LRPPRC: variants seen among roughly 807,000 people sequenced by gnomAD.
LRPPRC encodes leucine-rich PPR motif-containing protein, mitochondrial.
In LRPPRC, 120 loss-of-function variants were observed where a neutral mutation model predicts 180.3. The observed-to-expected ratio is 0.67, with a 90% CI of 0.57 to 0.77. LRPPRC has a LOEUF of 0.77. Ranked by LOEUF, LRPPRC falls within the 30% of genes least tolerant of loss-of-function variation. The probability of loss-of-function intolerance (pLI) is 0.00; values close to 1 mark genes in which losing one functional copy is unlikely to be tolerated. For missense variants in LRPPRC, 2,012 were observed against 1,657.2 expected, an observed-to-expected ratio of 1.21 and a Z score of -3.72; for synonymous variants, 723 against 600.0, an observed-to-expected ratio of 1.21 and a Z score of -3.00.
At chr2:43,949,718 T>C in intron 15 of LRPPRC, 59 bp from the exon 16 acceptor site, 2 of 1,123,492 alleles carry the variant, frequency 1.8e-6, no homozygotes, top group South Asian at 1.3e-5. Flanking sequence ...ACAAACACAA[T>C]CTGAAATTGA....
intron 23 of LRPPRC, among the ~76,000 whole-genome samples, chr2:43,941,837 TAAA>T (rs35278650): frequency 7.1e-4 from 66 of 92,812 alleles, no homozygotes; most frequent in African/African-American, 2.3e-3. Flanking sequence ...CAAAGTAGTC[TAAA>T]AAAAAAAAAA....
At chr2:43,955,950 T>G (rs1048225455) in intron 14 of LRPPRC, among the ~76,000 whole-genome samples, 9 of 152,088 alleles carry the variant, frequency 5.9e-5, no homozygotes, top group African/African-American at 2.2e-4. Flanking sequence ...GTGATCAAAC[T>G]TTGGTGGTGG....
At chr2:43,951,462 T>G (rs1044076516) in intron 14 of LRPPRC, among the ~76,000 whole-genome samples, 4 of 152,204 alleles carry the variant, frequency 2.6e-5, no homozygotes. Context: ...CATGGTTCCT[T>G]TGCTGTATCC....
intron 1 of LRPPRC, among the ~76,000 whole-genome samples, chr2:43,984,088 T>G (rs542847375): frequency 5.9e-4 from 90 of 152,142 alleles, no homozygotes; most frequent in Admixed American, 1.7e-3. Context: ...AAAATAATAT[T>G]TATCCCTTAC....
chr2:43,917,989 C>T (rs201146793), intron 29 of LRPPRC, 36 bp downstream of exon 29: 4 of 1,356,660 alleles, frequency 2.9e-6, no homozygotes, highest in East Asian at 2.3e-5. Flanking sequence ...AGAAGACCAC[C>T]CCCCCACACA....
intron 12 of LRPPRC, among the ~76,000 whole-genome samples, chr2:43,962,777 T>C (rs1218153260): frequency 3.3e-5 from 5 of 152,136 alleles, no homozygotes; most frequent in Non-Finnish European, 7.3e-5. Flanking sequence ...AGTGCATTTA[T>C]GAAAATTTAT....
At chr2:43,906,092 G>A (rs903097656) in intron 30 of LRPPRC, among the ~76,000 whole-genome samples, 7 of 151,734 alleles carry the variant, frequency 4.6e-5, no homozygotes, top group African/African-American at 1.5e-4. Context: ...TGCGTGCCCC[G>A]CATTGTTCTG....
chr2:43,923,611 A>G (rs1671774156), intron 27 of LRPPRC, among the ~76,000 whole-genome samples: 1 of 151,952 alleles, frequency 6.6e-6, no homozygotes, highest in African/African-American at 2.4e-5. Flanking sequence ...CAGTGTTAAG[A>G]CTTGGTGATG....
chr2:43,983,374 T>A (rs958742853), intron 1 of LRPPRC, among the ~76,000 whole-genome samples: 2 of 152,150 alleles, frequency 1.3e-5, no homozygotes, highest in Non-Finnish European at 2.9e-5. Context: ...TTTAGGTTTA[T>A]AGAAAAATCG....
intron 11 of LRPPRC, among the ~76,000 whole-genome samples, chr2:43,970,746 C>T (rs1374209238): frequency 1.3e-5 from 2 of 152,190 alleles, no homozygotes; most frequent in Admixed American, 1.3e-4. Flanking sequence ...TTTCATTCCA[C>T]AGGATTTTAC....
At chr2:43,947,191 G>C (rs1672716088) in intron 20 of LRPPRC, 66 bp downstream of exon 20, 1 of 704,378 alleles carries the variant, frequency 1.4e-6, no homozygotes, top group South Asian at 1.7e-5. Context: ...TATTATATTT[G>C]GTTTTTCTTA....
chr2:43,942,389 G>C (rs1489187061), intron 23 of LRPPRC, among the ~76,000 whole-genome samples: 1 of 152,008 alleles, frequency 6.6e-6, no homozygotes. Context: ...TCTATATAAA[G>C]TTGGCTATGA....
chr2:43,985,239 T>A (rs1674479665), intron 1 of LRPPRC, among the ~76,000 whole-genome samples: 1 of 152,168 alleles, frequency 6.6e-6, no homozygotes, highest in Non-Finnish European at 1.5e-5. Context: ...AGAAAAATTG[T>A]ACTGAAAGAA....
At position 43,941,319 on chromosome 2, in the gene LRPPRC, G is replaced by A. The variant is rs144146123; in HGVS notation, c.2504+2368C>T. On this transcript the variant is annotated intron_variant, in intron 23 of 37. Transcript: ENST00000260665. The stretch of plus-strand genomic sequence containing the variant: ...TGGAACTGCTTCAGAATTACAACAC[G>A]AAAGTGATATTCTCTTTAGAGCCTT... Among the ~76,000 whole-genome samples, 413 of 152,230 alleles carry A rather than the reference G, an allele frequency of 2.7e-3. 4 individuals carry two copies. Among genetic ancestry groups the A allele is most frequent in the African/African-American group, 9.4e-3 (391 of 41,540 alleles).
chr2:43,969,616 G>T (rs1008215009), intron 11 of LRPPRC, among the ~76,000 whole-genome samples: 1 of 152,046 alleles, frequency 6.6e-6, no homozygotes. Flanking sequence ...AACTCTCAGG[G>T]TAGTCACTAA....
At chr2:43,945,528 G>T in intron 21 of LRPPRC, 111 bp from the exon 22 acceptor site, 1 of 726,920 alleles carries the variant, frequency 1.4e-6, no homozygotes, top group Non-Finnish European at 2.5e-6. Flanking sequence ...CTGAACTAAT[G>T]TTGGCCTCTA....
chr2:43,888,398 C>G lies in LRPPRC; in HGVS notation c.*202G>C. ...GCAGCAGCATTGAAGAAAACACTAT[C>G]GATTTTTCCCAGAGAAAAAAACTCC... is the stretch of plus-strand genomic sequence containing the variant. On this transcript the variant is annotated 3_prime_UTR_variant, in exon 38 of 38. Coordinates refer to ENST00000260665, the MANE Select transcript of LRPPRC (RefSeq NM_133259.4). The G allele has an allele frequency of 2.0e-6, 1 of 505,200 alleles. No individual in the cohort carries two copies. The highest frequency in any genetic ancestry group is 1.9e-5 in the African/African-American group (1 of 51,512). 31.3% of individuals were successfully genotyped at this position (505,200 alleles called of 1,614,324 possible).
chr2:43,971,520 A>G (rs1673810987), intron 11 of LRPPRC, among the ~76,000 whole-genome samples: 1 of 142,886 alleles, frequency 7.0e-6, no homozygotes, highest in Admixed American at 6.9e-5. Context: ...AAATATATAT[A>G]TATGTTTTTT....
chr2:43,974,639 A>G lies in LRPPRC; in HGVS notation c.984T>C (p.Val328=), dbSNP rs1673968061. The change falls in exon 8 of 38, where the codon GTT becomes GTC. Residue 328 remains valine, a synonymous_variant. Coordinates refer to ENST00000260665, the MANE Select transcript of LRPPRC (RefSeq NM_133259.4). ...PQYVSEILEK[V]TCERRYIPDA... ...CTGGAATATATCTTCTTTCACATGT[A>G]ACTTTTTCCAAAATTTCTGAGACAT... 1.2e-6 allele frequency: 2 copies of G among 1,603,310 alleles called. No individual in the cohort carries two copies. The highest frequency in any genetic ancestry group is 1.7e-6 in the Non-Finnish European group (2 of 1,170,358).
Sources: allele counts gnomAD v4.1 joint callset (sites outside exome capture counted in the v4.1 genomes callset), GRCh38; gene constraint gnomAD v4.1.1; transcripts MANE v1.5; gene names NCBI Gene and HGNC (gene_info 2026-07-23, HGNC 2026-07-21).